Variants in PPP4C observed in about 807,000 individuals in gnomAD.
PPP4C encodes the protein serine/threonine-protein phosphatase 4 catalytic subunit.
PPP4C carries 10 observed loss-of-function variants against 40.5 expected under a neutral mutation model. The observed-to-expected ratio is 0.25, with a 90% CI of 0.15 to 0.42. The LOEUF (loss-of-function observed/expected upper bound fraction) is 0.42. Among genes scored for constraint, PPP4C ranks in the 10% least tolerant of loss-of-function variants. The pLI is 1.00. For synonymous variants in PPP4C, 187 were observed against 163.6 expected (o/e 1.14, Z -1.09); for missense variants, 191 against 416.4 (o/e 0.46, Z 4.71).
intron 2 of PPP4C, among the ~76,000 whole-genome samples, chr16:30,078,757 G>T (rs2072450533): frequency 6.6e-6 from 1 of 152,260 alleles, no homozygotes; most frequent in South Asian, 2.1e-4. Context: ...GAATCAGGTG[G>T]TCTTCAGTAT....
rs1230137655 is a variant in PPP4C, at chr16:30,076,340, G to A, written c.-38G>A. On this transcript the variant is annotated 5_prime_UTR_variant, in exon 2 of 9. Transcript: ENST00000279387. ...GAGACCCCTGTGCGGTGCGGAGGGG[G>A]CGGCGGCCCCGACTCTGACCCGCGC... 19 of 1,601,626 alleles carry A rather than the reference G, an allele frequency of 1.2e-5. No individual in the cohort carries two copies. The highest frequency in any genetic ancestry group is 1.6e-5 in the Non-Finnish European group (19 of 1,172,380).
rs756694260 is a variant in PPP4C at position 30,083,559 on chromosome 16, G to A, written c.469G>A (p.Asp157Asn). ...CTACCTCAGCCTGTCAGCCATCATC[G>A]ATGGCAAGGTAAGCCAGCCCAGGGC... is the stretch of plus-strand genomic sequence containing the variant. ...FDYLSLSAII[D>N]GKIFCVHGGL... Residue 157 changes from aspartate (D) to asparagine (N), a missense_variant, in exon 6 of 9, where the codon GAT (aspartate) becomes AAT (asparagine). Asp to Asn is a conservative substitution (Grantham distance 23). This residue lies in a region of PPP4C where 171 missense variants were observed against 352.4 expected (regional missense o/e 0.49). Coordinates refer to ENST00000279387, the MANE Select transcript of PPP4C (RefSeq NM_002720.3). This position sits in a 1 kb window ranked among gnomAD's most constrained non-coding sequence, Gnocchi z 6.3. 9.9e-6 allele frequency: 16 copies of A among 1,613,978 alleles called. No individual in the cohort carries two copies. The highest frequency in any genetic ancestry group is 1.3e-5 in the African/African-American group (1 of 74,928).
chr16:30,081,851 G>C (rs952990760), intron 3 of PPP4C, among the ~76,000 whole-genome samples: 5 of 152,054 alleles, frequency 3.3e-5, no homozygotes, highest in African/African-American at 1.2e-4. Context: ...TCAGGAGATC[G>C]AGACCATCCT....
chr16:30,076,514 C>A (rs1241891056), intron 2 of PPP4C, 39 bp downstream of exon 2: 8 of 1,566,108 alleles, frequency 5.1e-6, no homozygotes, highest in South Asian at 4.6e-5. Context: ...GCCAAGCCGC[C>A]GCCCACGGGT....
At chr16:30,079,390 A>T (rs1476596780) in intron 2 of PPP4C, among the ~76,000 whole-genome samples, 1 of 151,970 alleles carries the variant, frequency 6.6e-6, no homozygotes, top group Non-Finnish European at 1.5e-5. Context: ...GGGTTTCACC[A>T]TGTTGGCCAG....
In PPP4C at chr16:30,082,470, T is replaced by C; in HGVS notation, c.151-14T>C. On this transcript the variant is annotated splice_polypyrimidine_tract_variant and intron_variant, in intron 3 of 8. Coordinates refer to ENST00000279387, the MANE Select transcript of PPP4C (RefSeq NM_002720.3). ...CACTGCTTGAGTTCCAACCCCACTC[T>C]TCCTGTTCCCCAGGTGTGCGGCGAC... 1 of 1,613,048 alleles carries C rather than the reference T, an allele frequency of 6.2e-7. No individual in the cohort carries two copies. The highest frequency in any genetic ancestry group is 8.5e-7 in the Non-Finnish European group (1 of 1,179,006).
intron 4 of PPP4C, 55 bp from the exon 5 acceptor site, chr16:30,082,691 A>G: frequency 9.6e-6 from 15 of 1,561,120 alleles, no homozygotes; most frequent in Non-Finnish European, 1.3e-5. Context: ...GGACAGAAAC[A>G]GGTAGGGGGT....
chr16:30,080,485 A>G (rs2072483169), intron 2 of PPP4C, among the ~76,000 whole-genome samples: 1 of 151,406 alleles, frequency 6.6e-6, no homozygotes, highest in Non-Finnish European at 1.5e-5. Flanking sequence ...GAAATACTGA[A>G]CACATGGCAA....
chr16:30,084,533 C>G, intron 7 of PPP4C, 133 bp from the exon 8 acceptor site: 1 of 770,630 alleles, frequency 1.3e-6, no homozygotes, highest in East Asian at 2.5e-5. Flanking sequence ...AGACCATATT[C>G]AGGCCCCATG....
At position 30,082,517 on chromosome 16, in the gene PPP4C, C is replaced by T; in HGVS notation, c.184C>T (p.Leu62Phe). 1 of 1,613,718 alleles carries T rather than the reference C, an allele frequency of 6.2e-7. No homozygotes were observed. The highest frequency in any genetic ancestry group is 8.5e-7 in the Non-Finnish European group (1 of 1,179,680). Reference protein sequence around the residue: ...CGDIHGQFYDLKELFRVGGDV... With the variant: ...CGDIHGQFYDFKELFRVGGDV... ...CGACATCCATGGACAATTCTATGAC[C>T]TCAAAGAGCTGTTCAGAGTAAGAGT... Residue 62 changes from leucine to phenylalanine, a missense_variant, in exon 4 of 9, where the codon CTC (leucine) becomes TTC (phenylalanine). Coordinates refer to ENST00000279387, the MANE Select transcript of PPP4C (RefSeq NM_002720.3).
intron 2 of PPP4C, among the ~76,000 whole-genome samples, chr16:30,079,190 CTTTT>C (rs60305885): frequency 1.4e-5 from 2 of 140,652 alleles, no homozygotes; most frequent in African/African-American, 2.6e-5. Flanking sequence ...TTCTTTTTTT[CTTTT>C]TTTTTTTTTT....
intron 2 of PPP4C, among the ~76,000 whole-genome samples, chr16:30,078,202 C>T (rs983531843): frequency 5.9e-5 from 9 of 152,200 alleles, no homozygotes; most frequent in African/African-American, 4.8e-5. Context: ...GTCGTATATT[C>T]AGTCTCCATG....
chr16:30,076,080 G>C lies in PPP4C; in HGVS notation c.-78G>C, dbSNP rs568884391. On this transcript the variant is annotated 5_prime_UTR_variant, in exon 1 of 9. Coordinates refer to ENST00000279387, the MANE Select transcript of PPP4C (RefSeq NM_002720.3). Reference sequence around the variant, plus strand: ...GGCAGGGAGCCGGAGAGCCGGAACCGGAGTCGCAGCGGCGGTAATAGTGCG... The same window carrying C: ...GGCAGGGAGCCGGAGAGCCGGAACCCGAGTCGCAGCGGCGGTAATAGTGCG... The C allele has an allele frequency of 1.8e-5, 8 of 445,550 alleles. No individual in the cohort carries two copies. In the South Asian group the frequency reaches 2.5e-4, roughly 14 times the overall value. 27.6% of individuals were successfully genotyped at this position (445,550 alleles called of 1,614,324 possible).
chr16:30,076,880 C>T (rs2072412462), intron 2 of PPP4C, among the ~76,000 whole-genome samples: 1 of 152,186 alleles, frequency 6.6e-6, no homozygotes, highest in African/African-American at 2.4e-5. Context: ...TAAAAGTCTT[C>T]TAATTACAAC....
In PPP4C at chr16:30,085,375, G is replaced by A. The variant is rs190164167; in HGVS notation, c.*313G>A. ...AAATTCTAATAAAAGAAGAAAAATG[G>A]TTTTTGGGTTTGTGCCAGACTTGGT... On this transcript the variant is annotated 3_prime_UTR_variant, in exon 9 of 9. Coordinates refer to ENST00000279387, the MANE Select transcript of PPP4C (RefSeq NM_002720.3). 99 of 232,362 alleles carry A rather than the reference G, an allele frequency of 4.3e-4. 1 individual carries two copies. In the East Asian group the frequency reaches 9.0e-3, roughly 21 times the overall value. 14.4% of individuals were successfully genotyped at this position (232,362 alleles called of 1,614,324 possible). A position where few individuals can be genotyped will look rare whatever the true frequency, so the allele number is the denominator to read the frequency against.
intron 3 of PPP4C, chr16:30,081,519 C>T: frequency 2.1e-6 from 1 of 468,310 alleles, no homozygotes. Context: ...GCAAGGTGGG[C>T]ACATCACTTG....
At chr16:30,081,377 T>G (rs1186495754) in intron 3 of PPP4C, 67 bp downstream of exon 3, 30 of 1,369,492 alleles carry the variant, frequency 2.2e-5, no homozygotes, top group Non-Finnish European at 3.1e-5. Context: ...CCTCTTCATC[T>G]TGGGGGCTCT....
At chr16:30,081,401 TA>T in intron 3 of PPP4C, 91 bp downstream of exon 3, 2 of 1,044,702 alleles carry the variant, frequency 1.9e-6, no homozygotes, top group South Asian at 1.3e-5. Context: ...AGCCCAACCC[TA>T]AGCTCTTTTA....
At chr16:30,081,405 C>G (rs1308653496) in intron 3 of PPP4C, 95 bp downstream of exon 3, 1 of 1,005,308 alleles carries the variant, frequency 9.9e-7, no homozygotes, top group Non-Finnish European at 1.5e-6. Flanking sequence ...CAACCCTAAG[C>G]TCTTTTATCT....
Sources: gnomAD v4.1 joint callset for allele counts (sites outside exome capture counted in the v4.1 genomes callset) on GRCh38, gnomAD v4.1.1 for gene constraint, gnomAD v4.1.1 regional missense constraint, Gnocchi (gnomAD v3.1) non-coding constraint, MANE v1.5 for transcripts, NCBI Gene and HGNC (gene_info 2026-07-23, HGNC 2026-07-21) for gene names.